Variants in PEBP4 observed in about 807,000 individuals in gnomAD.
PEBP4 encodes the protein phosphatidylethanolamine-binding protein 4.
A neutral mutation model predicts 23.9 loss-of-function variants in PEBP4; 22 were observed. The observed-to-expected ratio is 0.92, with a 90% CI of 0.66 to 1.31. PEBP4 has a LOEUF of 1.31. PEBP4 is among the 40% of genes most tolerant of loss of function. The pLI is 0.00. For missense variants in PEBP4, 324 were observed against 281.7 expected, an observed-to-expected ratio of 1.15 and a Z score of -1.07; for synonymous variants, 112 against 99.3, an observed-to-expected ratio of 1.13 and a Z score of -0.76.
Position 22,804,427 on chromosome 8 carries a change from C to T in PEBP4, c.357+13210G>A, listed in dbSNP as rs572986043. Among the ~76,000 whole-genome samples, 15 of 152,266 alleles carry T rather than the reference C, an allele frequency of 9.9e-5. No individual in the cohort carries two copies. The South Asian group carries it at 1.0e-3, about 11-fold the overall frequency. On this transcript the variant is annotated intron_variant, in intron 4 of 6. Transcript: ENST00000256404. ...TCCTTGCCCAGGCCTGGATAAAGAC[C>T]GGACATTGGCGGTTCTCAACCCCAG...
chr8:22,894,133 A>G (rs570046995), intron 3 of PEBP4, among the ~76,000 whole-genome samples: 1 of 152,306 alleles, frequency 6.6e-6, no homozygotes, highest in South Asian at 2.1e-4. Context: ...TACCTAGAAC[A>G]AAGTACCCAT....
chr8:22,841,953 T>C (rs1473039732), intron 3 of PEBP4, among the ~76,000 whole-genome samples: 1 of 152,172 alleles, frequency 6.6e-6, no homozygotes, highest in Non-Finnish European at 1.5e-5. Flanking sequence ...AATGGCCAAA[T>C]ATAAGAAACG....
chr8:22,777,134 C>T (rs1262670709), intron 4 of PEBP4, among the ~76,000 whole-genome samples: 1 of 152,050 alleles, frequency 6.6e-6, no homozygotes, highest in African/African-American at 2.4e-5. Context: ...ACATTCAGCA[C>T]TGATCTGCTC....
chr8:22,928,565 T>C (rs1464266961), upstream of PEBP4, among the ~76,000 whole-genome samples: 5 of 152,100 alleles, frequency 3.3e-5, no homozygotes, highest in Non-Finnish European at 7.4e-5. Context: ...TGGGGAACAG[T>C]CCTGCCACCA....
chr8:22,885,730 G>A (rs1413337997), intron 3 of PEBP4: 1 of 152,242 alleles, frequency 6.6e-6, no homozygotes, highest in African/African-American at 2.4e-5. Context: ...GAGAGCTTCT[G>A]AAAGAAGTCA....
At position 22,713,473 on chromosome 8, in the gene PEBP4, T is replaced by C; in HGVS notation, c.581A>G (p.Gln194Arg). Residue 194 changes from glutamine (Q) to arginine (R), a missense_variant, in exon 7 of 7, where the codon CAG becomes CGG. Gln to Arg is a conservative substitution (Grantham distance 43, BLOSUM62 1). Transcript: ENST00000256404. ...FHLGEPEAST[Q>R]FMTQNYQDSP... The stretch of plus-strand genomic sequence containing the variant: ...GTCCTGGTAGTTCTGGGTCATGAAC[T>C]GGGTGCTTGCTTCAGGTTCGCCCAG... The C allele has an allele frequency of 6.2e-7, 1 of 1,614,158 alleles. No homozygotes were observed. Among genetic ancestry groups the C allele is most frequent in the Non-Finnish European group, 8.5e-7 (1 of 1,180,022 alleles).
intron 6 of PEBP4, among the ~76,000 whole-genome samples, chr8:22,721,864 G>A (rs765529705): frequency 7.9e-5 from 12 of 152,120 alleles, no homozygotes; most frequent in East Asian, 1.9e-4. Flanking sequence ...CCCAGGCACC[G>A]TCCAGGTGCT....
intron 4 of PEBP4, among the ~76,000 whole-genome samples, chr8:22,736,484 T>G (rs1436395604): frequency 6.6e-6 from 1 of 152,094 alleles, no homozygotes; most frequent in East Asian, 1.9e-4. Context: ...TGTGTTCCTG[T>G]AGTCCTGGCT....
At chr8:22,855,118 G>A (rs1807618315) in intron 3 of PEBP4, among the ~76,000 whole-genome samples, 1 of 152,050 alleles carries the variant, frequency 6.6e-6, no homozygotes, top group Admixed American at 6.5e-5. Flanking sequence ...CAGCATACCA[G>A]TCTTACAGTC....
chr8:22,743,030 TG>T (rs1390246955), intron 4 of PEBP4, among the ~76,000 whole-genome samples: 2 of 152,160 alleles, frequency 1.3e-5, no homozygotes, highest in Non-Finnish European at 2.9e-5. Context: ...GGTGCTTGGT[TG>T]GGGCAGGCGG....
intron 4 of PEBP4, among the ~76,000 whole-genome samples, chr8:22,800,060 T>C (rs1274007721): frequency 6.6e-6 from 1 of 152,200 alleles, no homozygotes; most frequent in Non-Finnish European, 1.5e-5. Context: ...TGTAGGGACA[T>C]GGATGAAGCT....
chr8:22,788,591 A>G (rs895988809), intron 4 of PEBP4, among the ~76,000 whole-genome samples: 1 of 152,208 alleles, frequency 6.6e-6, no homozygotes, highest in Non-Finnish European at 1.5e-5. Flanking sequence ...CCTCATCTGT[A>G]AACTGGAGAG....
At chr8:22,805,376 G>T (rs1431348719) in intron 4 of PEBP4, among the ~76,000 whole-genome samples, 1 of 151,976 alleles carries the variant, frequency 6.6e-6, no homozygotes, top group African/African-American at 2.4e-5. Context: ...GCCCAGGCTG[G>T]AGTGCGATGG....
chr8:22,720,401 GA>G lies in PEBP4; in HGVS notation c.517+4441del, dbSNP rs768346335. Among the ~76,000 whole-genome samples the G allele has an allele frequency of 2.3e-4, 35 of 152,324 alleles. 1 individual carries two copies. In the Middle Eastern group the frequency reaches 0.01, roughly 44 times the overall value. On this transcript the variant is annotated intron_variant, in intron 6 of 6. Coordinates refer to ENST00000256404, the MANE Select transcript of PEBP4 (RefSeq NM_144962.3). ...AGGCATTGCGGGTCTGGGAAGGGGA[GA>G]ATGAGACGCCCAGATGGGCAGTGGT... is the stretch of plus-strand genomic sequence containing the variant.
chr8:22,862,025 G>A (rs1239402482), intron 3 of PEBP4, among the ~76,000 whole-genome samples: 3 of 152,150 alleles, frequency 2.0e-5, no homozygotes, highest in South Asian at 2.1e-4. Flanking sequence ...AGCACCAAGC[G>A]AGTGATGCCA....
chr8:22,938,700 T>TC (rs531708185), intron 1 of PEBP4, among the ~76,000 whole-genome samples: 179 of 151,724 alleles, frequency 1.2e-3, no homozygotes, highest in Non-Finnish European at 1.0e-3. Flanking sequence ...AGGTCACACT[T>TC]CCCCCCCATT....
At chr8:22,881,268 T>C (rs1421123604) in intron 3 of PEBP4, among the ~76,000 whole-genome samples, 1 of 152,154 alleles carries the variant, frequency 6.6e-6, no homozygotes, top group Non-Finnish European at 1.5e-5. Context: ...TAGTTGCTCA[T>C]TTTGGGGTGC....
upstream of PEBP4, among the ~76,000 whole-genome samples, chr8:22,929,602 C>T (rs575043566): frequency 6.6e-6 from 1 of 152,200 alleles, no homozygotes; most frequent in African/African-American, 2.4e-5. Context: ...GAGGAGACAG[C>T]ACAGTGACAT....
chr8:22,940,490 CTTTT>C (rs761722562), intron 1 of PEBP4, among the ~76,000 whole-genome samples: 1 of 110,050 alleles, frequency 9.1e-6, no homozygotes, highest in African/African-American at 3.8e-5. Flanking sequence ...ATGAATTTCT[CTTTT>C]TTTTTTTTTT....
Sources: allele counts gnomAD v4.1 joint callset (sites outside exome capture counted in the v4.1 genomes callset), GRCh38; gene constraint gnomAD v4.1.1; transcripts MANE v1.5; gene names NCBI Gene and HGNC (gene_info 2026-07-23, HGNC 2026-07-21).